The following DMD variants were observed in gnomAD, a reference collection of about 807,000 sequenced individuals.
The protein encoded by DMD is dystrophin.
Under a neutral mutation model 330.1 loss-of-function variants are expected in DMD, and 63 were observed. The observed-to-expected ratio is 0.19, with a 90% confidence interval of 0.16 to 0.24. The LOEUF is 0.24. DMD is among the 10% of genes least tolerant of loss of function. The pLI is 1.00. For missense variants in DMD, 3,344 were observed against 2,684.1 expected (o/e 1.25, Z -5.43); for synonymous variants, 1,223 against 959.8 (o/e 1.27, Z -5.07).
At chrX:32,798,389 G>A (rs1447133812) in intron 7 of DMD, among the ~76,000 whole-genome samples, 1 of 111,653 alleles carries the variant, frequency 9.0e-6, no homozygotes, top group Admixed American at 9.5e-5. Context: ...AGAACACACT[G>A]GAATACTCTC....
Position 31,294,235 on chromosome X carries a change from C to T in DMD, c.9224+29363G>A, listed in dbSNP as rs182316113. Among the ~76,000 whole-genome samples the T allele has an allele frequency of 2.3e-3, 258 of 111,784 alleles. 1 individual carries two copies. The highest frequency in any genetic ancestry group is 7.7e-3 in the African/African-American group (236 of 30,737). On this transcript the variant is annotated intron_variant, in intron 62 of 78. Transcript: ENST00000357033. ...CATAGCAAATGATCTAAGATAGATC[C>T]AGACATCTCAAAGCCTCAGTTTCCA...
In DMD at chrX:32,137,121, T is replaced by C. The variant is rs2096730173; in HGVS notation, c.6438+79795A>G. Among the ~76,000 whole-genome samples, 3 of 112,387 alleles carry C rather than the reference T, an allele frequency of 2.7e-5. No individual in the cohort carries two copies. In the South Asian group the frequency reaches 1.1e-3, roughly 41 times the overall value. On this transcript the variant is annotated intron_variant, in intron 44 of 78. Coordinates refer to ENST00000357033, the MANE Select transcript of DMD (RefSeq NM_004006.3). ...TGGGTTTATTCTAGATTTTTAAATC[T>C]ATGAGGCTTATTTAGAATGCTGAAT...
At chrX:31,178,431 G>GT in intron 70 of DMD, 1 of 917,394 alleles carries the variant, frequency 1.1e-6, no homozygotes, top group Middle Eastern at 4.7e-4. Flanking sequence ...ATTGTGTTGT[G>GT]GTTTTTTTTT....
chrX:31,133,350 G>A (rs1365870593), intron 77 of DMD, among the ~76,000 whole-genome samples: 2 of 110,844 alleles, frequency 1.8e-5, no homozygotes, highest in Non-Finnish European at 3.8e-5. Context: ...TTATGTGAGG[G>A]CAATAAACCA....
At chrX:32,586,212 G>C (rs1426087623) in intron 13 of DMD, among the ~76,000 whole-genome samples, 1 of 110,541 alleles carries the variant, frequency 9.0e-6, no homozygotes, top group Non-Finnish European at 1.9e-5. Context: ...CACAATTCAA[G>C]TGCTCAAAAT....
intron 7 of DMD, among the ~76,000 whole-genome samples, chrX:32,801,837 C>A (rs1052616107): frequency 9.0e-6 from 1 of 111,208 alleles, no homozygotes; most frequent in Non-Finnish European, 1.9e-5. Flanking sequence ...GGTGTTATTT[C>A]TGAGGCCTCT....
chrX:31,374,607 G>A (rs1404103444), intron 60 of DMD, among the ~76,000 whole-genome samples: 1 of 95,799 alleles, frequency 1.0e-5, no homozygotes, highest in Non-Finnish European at 2.1e-5. Context: ...TCACTCATAG[G>A]TGGGAATTGA....
chrX:32,387,465 A>T (rs750419183), intron 32 of DMD, among the ~76,000 whole-genome samples: 1 of 111,701 alleles, frequency 9.0e-6, no homozygotes, highest in East Asian at 2.8e-4. Flanking sequence ...TTACCAAAAA[A>T]TAAACCTGAC....
chrX:33,337,787 G>A (rs763952040), intron 1 of DMD, among the ~76,000 whole-genome samples: 9 of 111,742 alleles, frequency 8.1e-5, no homozygotes, highest in Non-Finnish European at 1.5e-4. Flanking sequence ...CCCTTTCTAA[G>A]AGGAATACGT....
At chrX:31,387,646 C>T (rs773355928) in intron 60 of DMD, among the ~76,000 whole-genome samples, 2 of 111,867 alleles carry the variant, frequency 1.8e-5, no homozygotes, top group African/African-American at 3.2e-5. Context: ...GTGATCCACC[C>T]GCCTTGGCCT....
intron 2 of DMD, among the ~76,000 whole-genome samples, chrX:32,947,783 C>T (rs770898801): frequency 1.8e-5 from 2 of 111,068 alleles, no homozygotes; most frequent in South Asian, 7.6e-4. Context: ...ACCCAGGCCT[C>T]TAATGAGGAT....
chrX:33,019,389 T>C (rs1002277039), intron 2 of DMD, among the ~76,000 whole-genome samples: 3 of 111,607 alleles, frequency 2.7e-5, no homozygotes, highest in African/African-American at 6.5e-5. Flanking sequence ...AATATATACA[T>C]ATACAAACAT....
At chrX:32,483,152 T>TAC (rs1380167817) in intron 21 of DMD, among the ~76,000 whole-genome samples, 1 of 79,898 alleles carries the variant, frequency 1.3e-5, no homozygotes. Context: ...ATTCCATATA[T>TAC]ATATATATAT....
At position 33,184,334 on chromosome X, in the gene DMD, C is replaced by T. The variant is rs939097218; in HGVS notation, c.31+26948G>A. On this transcript the variant is annotated intron_variant, in intron 1 of 78. Coordinates refer to ENST00000357033, the MANE Select transcript of DMD (RefSeq NM_004006.3). ...ATCAAAACAGTAATAAAATAACGCA[C>T]TATTCTTTTTTAATGATTTTTTTTT... Among the ~76,000 whole-genome samples the T allele has an allele frequency of 5.4e-5, 6 of 111,850 alleles. No individual in the cohort carries two copies. The Admixed American group carries it at 5.7e-4, about 11-fold the overall frequency.
chrX:31,622,019 G>C (rs866628908), intron 55 of DMD, among the ~76,000 whole-genome samples: 9 of 111,498 alleles, frequency 8.1e-5, no homozygotes, highest in South Asian at 3.8e-4. Flanking sequence ...TCTATTGTGG[G>C]CAGAGATATT....
intron 9 of DMD, among the ~76,000 whole-genome samples, chrX:32,694,447 C>G (rs141048353): frequency 1.8e-5 from 2 of 111,551 alleles, no homozygotes; most frequent in East Asian, 5.7e-4. Context: ...TGTGGCAACT[C>G]TATTTGGCCA....
intron 49 of DMD, among the ~76,000 whole-genome samples, chrX:31,822,530 T>A (rs2092784611): frequency 9.0e-6 from 1 of 111,022 alleles, no homozygotes; most frequent in African/African-American, 3.3e-5. Context: ...ACGATTCGTG[T>A]TTTGCATTGT....
chrX:31,701,945 C>T (rs1174039819), intron 52 of DMD, among the ~76,000 whole-genome samples: 1 of 112,869 alleles, frequency 8.9e-6, no homozygotes, highest in Non-Finnish European at 1.9e-5. Context: ...TAAACCATTA[C>T]GTTTTGGCTT....
At chrX:31,285,254 T>C (rs967899166) in intron 62 of DMD, among the ~76,000 whole-genome samples, 1 of 112,193 alleles carries the variant, frequency 8.9e-6, no homozygotes, top group African/African-American at 3.2e-5. Context: ...ACAGTTATGC[T>C]ATTGAAAGCA....
Sources: allele counts gnomAD v4.1 joint callset (sites outside exome capture counted in the v4.1 genomes callset), GRCh38; gene constraint gnomAD v4.1.1; transcripts MANE v1.5; gene names NCBI Gene and HGNC (gene_info 2026-07-23, HGNC 2026-07-21).